Variants in FGF12 observed in about 807,000 individuals in gnomAD.
The protein encoded by FGF12 is fibroblast growth factor 12.
In FGF12, 14 loss-of-function variants were observed where a neutral mutation model predicts 23.6. The ratio of observed to expected loss-of-function variants is 0.59; its 90% CI spans 0.39 to 0.93. The LOEUF is 0.93. FGF12 is among the 40% of genes least tolerant of loss of function. The pLI is 0.00. For synonymous variants in FGF12, 62 were observed against 77.3 expected (o/e 0.80, Z 1.04); for missense variants, 175 against 217.8 (o/e 0.80, Z 1.24).
At chr3:192,500,707 G>T (rs938794652) in intron 2 of FGF12, among the ~76,000 whole-genome samples, 3 of 152,188 alleles carry the variant, frequency 2.0e-5, no homozygotes, top group African/African-American at 7.2e-5. Context: ...GCATTCCCAA[G>T]TGAAATACAG....
At chr3:192,630,372 T>A (rs1280517276) in intron 2 of FGF12, among the ~76,000 whole-genome samples, 1 of 151,984 alleles carries the variant, frequency 6.6e-6, no homozygotes, top group Non-Finnish European at 1.5e-5. Flanking sequence ...GCCCATGGCC[T>A]GCTATTTGGG....
chr3:192,467,319 G>A (rs1489066358), intron 2 of FGF12, among the ~76,000 whole-genome samples: 2 of 152,092 alleles, frequency 1.3e-5, no homozygotes, highest in Non-Finnish European at 2.9e-5. Context: ...ATTAACAAAG[G>A]GATCGGCTTA....
intron 4 of FGF12, among the ~76,000 whole-genome samples, chr3:192,257,319 C>T (rs774594786): frequency 2.0e-5 from 3 of 152,036 alleles, no homozygotes; most frequent in Non-Finnish European, 4.4e-5. Context: ...GTTATTTAGA[C>T]CCAATTTCCT....
At chr3:192,363,757 C>T (rs1170288824) in intron 2 of FGF12, among the ~76,000 whole-genome samples, 2 of 152,040 alleles carry the variant, frequency 1.3e-5, no homozygotes, top group African/African-American at 4.8e-5. Flanking sequence ...TGAGGAAAAC[C>T]AGAACATGTT....
At position 192,183,289 on chromosome 3, in the gene FGF12, C is replaced by T. The variant is rs146261700; in HGVS notation, c.229-12633G>A. 1.2e-4 allele frequency among the ~76,000 whole-genome samples: 18 copies of T among 152,090 alleles called. No individual in the cohort carries two copies. The East Asian group carries it at 3.3e-3, about 28-fold the overall frequency. ...ATCATATCCTTAGCAGAGCTAGAAA[C>T]GCACATCTCACAGGTGTTTTCTGCT... On this transcript the variant is annotated intron_variant, in intron 4 of 5. Coordinates refer to ENST00000445105, the MANE Select transcript of FGF12 (RefSeq NM_004113.6).
intron 2 of FGF12, among the ~76,000 whole-genome samples, chr3:192,453,705 A>G (rs574601555): frequency 1.3e-5 from 2 of 151,628 alleles, no homozygotes; most frequent in East Asian, 3.9e-4. Context: ...TTATTGGGGG[A>G]TGAGGGGATG....
chr3:192,593,824 T>C (rs925107100), intron 2 of FGF12, among the ~76,000 whole-genome samples: 2 of 151,868 alleles, frequency 1.3e-5, no homozygotes, highest in African/African-American at 4.8e-5. Context: ...GCTCAAACGG[T>C]AGAAGGCTCT....
chr3:192,156,411 T>G (rs1714422725), intron 5 of FGF12, among the ~76,000 whole-genome samples: 1 of 152,214 alleles, frequency 6.6e-6, no homozygotes, highest in Admixed American at 6.5e-5. Context: ...TCAGCAGGTA[T>G]GATGTTATAG....
intron 4 of FGF12, among the ~76,000 whole-genome samples, chr3:192,328,238 T>C (rs1373070956): frequency 6.6e-6 from 1 of 152,188 alleles, no homozygotes; most frequent in African/African-American, 2.4e-5. Flanking sequence ...GGAAGGTAAT[T>C]TGTGTTTTCC....
chr3:192,456,711 T>C (rs1254923800), intron 2 of FGF12, among the ~76,000 whole-genome samples: 1 of 152,064 alleles, frequency 6.6e-6, no homozygotes, highest in African/African-American at 2.4e-5. Flanking sequence ...GACTGCAAGG[T>C]AAGAATTACA....
At chr3:192,708,761 G>T (rs991729202) in intron 2 of FGF12, among the ~76,000 whole-genome samples, 1 of 152,130 alleles carries the variant, frequency 6.6e-6, no homozygotes, top group African/African-American at 2.4e-5. Context: ...AGAGGATCAA[G>T]CAAAAGCTTT....
intron 4 of FGF12, among the ~76,000 whole-genome samples, chr3:192,218,771 C>A (rs772902636): frequency 6.6e-6 from 1 of 152,156 alleles, no homozygotes; most frequent in Non-Finnish European, 1.5e-5. Context: ...TGAGCCAAGG[C>A]GGAAAAGAGG....
At chr3:192,591,092 A>T (rs965563494) in intron 2 of FGF12, among the ~76,000 whole-genome samples, 1 of 151,382 alleles carries the variant, frequency 6.6e-6, no homozygotes, top group Non-Finnish European at 1.5e-5. Flanking sequence ...CGTATTGGAA[A>T]CAAGTAGTGT....
chr3:192,544,884 A>C (rs1478818088), intron 2 of FGF12, among the ~76,000 whole-genome samples: 2 of 152,166 alleles, frequency 1.3e-5, no homozygotes, highest in Admixed American at 1.3e-4. Context: ...TCTGTAAGTC[A>C]ACAGGTCTGT....
chr3:192,499,516 ATTTTTTTTT>A (rs71177364), intron 2 of FGF12, among the ~76,000 whole-genome samples: 4 of 38,866 alleles, frequency 1.0e-4, no homozygotes, highest in African/African-American at 2.1e-4. Flanking sequence ...ATATATATAT[ATTTTTTTTT>A]TTTTTTTTTT....
chr3:192,675,020 TATAA>T (rs1191262754), intron 2 of FGF12, among the ~76,000 whole-genome samples: 3 of 152,236 alleles, frequency 2.0e-5, no homozygotes, highest in African/African-American at 7.2e-5. Flanking sequence ...TTTTTAATCC[TATAA>T]ATAGACTGGG....
At chr3:192,662,378 A>G (rs1048335172) in intron 2 of FGF12, among the ~76,000 whole-genome samples, 2 of 152,200 alleles carry the variant, frequency 1.3e-5, no homozygotes, top group African/African-American at 4.8e-5. Context: ...GAATCATTGC[A>G]AAATCCAAAT....
chr3:192,255,676 T>G (rs1712337348), intron 4 of FGF12, among the ~76,000 whole-genome samples: 1 of 152,086 alleles, frequency 6.6e-6, no homozygotes. Context: ...CTAACTTTAT[T>G]AAAACAATAT....
chr3:192,716,594 T>C (rs566605646), intron 2 of FGF12, among the ~76,000 whole-genome samples: 51 of 152,258 alleles, frequency 3.3e-4, no homozygotes, highest in Non-Finnish European at 4.3e-4. Context: ...AGAGGAATCT[T>C]AGGGATTTTA....
Sources: gnomAD v4.1 joint callset for allele counts (sites outside exome capture counted in the v4.1 genomes callset) on GRCh38, gnomAD v4.1.1 for gene constraint, MANE v1.5 for transcripts, NCBI Gene and HGNC (gene_info 2026-07-23, HGNC 2026-07-21) for gene names.